The following LRRC7 variants were observed in gnomAD, a reference collection of about 807,000 sequenced individuals.
The protein encoded by LRRC7 is leucine-rich repeat-containing protein 7.
LRRC7 carries 23 observed loss-of-function variants against 175.7 expected under a neutral mutation model. The observed-to-expected ratio is 0.13, with a 90% CI of 0.09 to 0.19. The LOEUF (loss-of-function observed/expected upper bound fraction) is 0.19, where lower values mean the gene tolerates loss of function less well. Among genes scored for constraint, LRRC7 ranks in the 10% least tolerant of loss-of-function variants. The pLI is 1.00. For synonymous variants in LRRC7, 685 were observed against 680.9 expected, an observed-to-expected ratio of 1.01 and a Z score of -0.09; for missense variants, 1,354 against 1,904.7, an observed-to-expected ratio of 0.71 and a Z score of 5.38.
chr1:70,127,763 CA>C lies in LRRC7; in HGVS notation c.*5880del, dbSNP rs1006469971. On this transcript the variant is annotated 3_prime_UTR_variant, in exon 27 of 27. Coordinates refer to ENST00000651989, the MANE Select transcript of LRRC7 (RefSeq NM_001370785.2). Reference sequence around the variant, plus strand: ...GCCTAATTTTGTTATGGCAGCACCTCAAAAGGTGGAAGGTTGTGAAATTCAC... The same window carrying C: ...GCCTAATTTTGTTATGGCAGCACCTCAAAGGTGGAAGGTTGTGAAATTCAC... Among the ~76,000 whole-genome samples, 19 of 152,254 alleles carry C rather than the reference CA, an allele frequency of 1.2e-4. No individual in the cohort carries two copies. The highest frequency in any genetic ancestry group is 4.6e-4 in the African/African-American group (19 of 41,558).
At chr1:69,942,854 ATTAT>A (rs1180347575) in intron 8 of LRRC7, among the ~76,000 whole-genome samples, 1 of 152,150 alleles carries the variant, frequency 6.6e-6, no homozygotes, top group Non-Finnish European at 1.5e-5. Flanking sequence ...TTGGGGTGTC[ATTAT>A]TCAGTCTACT....
At chr1:69,789,886 C>A (rs1446021378) in intron 3 of LRRC7, among the ~76,000 whole-genome samples, 1 of 151,956 alleles carries the variant, frequency 6.6e-6, no homozygotes, top group African/African-American at 2.4e-5. Flanking sequence ...TTAATAATGG[C>A]TTACAGTTTT....
intron 11 of LRRC7, among the ~76,000 whole-genome samples, chr1:69,995,987 C>T (rs1468643469): frequency 4.7e-4 from 70 of 149,576 alleles, no homozygotes; most frequent in Middle Eastern, 6.8e-3. Context: ...ACACTGACTT[C>T]CACAATGGTT....
rs566173041 is a variant in LRRC7, at chr1:69,811,870, G to A, written c.422-13878G>A. On this transcript the variant is annotated intron_variant, in intron 4 of 26. Coordinates refer to ENST00000651989, the MANE Select transcript of LRRC7 (RefSeq NM_001370785.2). ...ACCACCATGGCACGTGTATACCTAT[G>A]TAACAAACCTGCACATTCTGTGCAT... Among the ~76,000 whole-genome samples, 133 of 130,168 alleles carry A rather than the reference G, an allele frequency of 1.0e-3. 1 individual carries two copies. Among genetic ancestry groups the A allele is most frequent in the Non-Finnish European group, 1.2e-3 (65 of 52,778 alleles). The allele number at this position is 130,168 out of a possible 152,430, so 85.4% of individuals were successfully genotyped here.
chr1:69,600,524 T>G (rs1647010829), intron 1 of LRRC7, among the ~76,000 whole-genome samples: 1 of 152,206 alleles, frequency 6.6e-6, no homozygotes, highest in Non-Finnish European at 1.5e-5. Context: ...GCAAGAGAGA[T>G]AAAGTACCAT....
At chr1:69,581,508 A>G (rs1426068508) in intron 1 of LRRC7, among the ~76,000 whole-genome samples, 2 of 152,188 alleles carry the variant, frequency 1.3e-5, no homozygotes, top group Non-Finnish European at 2.9e-5. Context: ...TATAGGTACA[A>G]TTTGTTGACT....
intron 3 of LRRC7, among the ~76,000 whole-genome samples, 158 bp from the exon 4 acceptor site, chr1:69,791,885 A>C (rs1675164745): frequency 6.6e-6 from 1 of 152,036 alleles, no homozygotes; most frequent in South Asian, 2.1e-4. Context: ...GAAGCCATTC[A>C]GAAACAATTG....
Position 70,128,004 on chromosome 1 carries a change from C to A in LRRC7, c.*6117C>A, listed in dbSNP as rs1235274803. 6.6e-6 allele frequency among the ~76,000 whole-genome samples: 1 copy of A among 152,078 alleles called. No homozygotes were observed. The highest frequency in any genetic ancestry group is 1.9e-4 in the East Asian group (1 of 5,196). On this transcript the variant is annotated 3_prime_UTR_variant, in exon 27 of 27. Coordinates refer to ENST00000651989, the MANE Select transcript of LRRC7 (RefSeq NM_001370785.2). ...TGAGACAGAGTCTTGCTGTGTCACC[C>A]AGGCTGGAGTGCAGTAGCGCTATCT...
intron 8 of LRRC7, among the ~76,000 whole-genome samples, chr1:69,956,938 A>G (rs1159506032): frequency 1.3e-5 from 2 of 151,738 alleles, no homozygotes; most frequent in African/African-American, 4.8e-5. Flanking sequence ...AGTGAAGTCA[A>G]GTAGGATAAG....
chr1:70,097,462 T>TA, intron 25 of LRRC7, among the ~76,000 whole-genome samples: 1 of 152,316 alleles, frequency 6.6e-6, no homozygotes, highest in South Asian at 2.1e-4. Flanking sequence ...TTCTTTTTTT[T>TA]ACCATTTTTT....
intron 4 of LRRC7, among the ~76,000 whole-genome samples, chr1:69,792,479 A>G (rs1675240195): frequency 1.3e-5 from 2 of 152,072 alleles, no homozygotes; most frequent in Admixed American, 1.3e-4. Context: ...TTTTCTCAAC[A>G]TGTGTCAAAT....
chr1:70,063,324 G>C (rs942735357), intron 23 of LRRC7, among the ~76,000 whole-genome samples: 1 of 152,058 alleles, frequency 6.6e-6, no homozygotes. Flanking sequence ...TAACTCAATA[G>C]CATTTATATT....
chr1:69,873,814 C>G (rs1685788648), intron 7 of LRRC7: 2 of 157,014 alleles, frequency 1.3e-5, no homozygotes, highest in South Asian at 3.6e-4. Flanking sequence ...GAAATTTTAT[C>G]AGTCTCAGAA....
intron 2 of LRRC7, among the ~76,000 whole-genome samples, chr1:69,717,878 GAGAGAA>G (rs1665722362): frequency 8.2e-6 from 1 of 121,448 alleles, no homozygotes; most frequent in Non-Finnish European, 1.7e-5. Context: ...AAGAAAGAAA[GAGAGAA>G]AAAGAGGAGG....
At chr1:70,036,975 A>G (rs2102020374) in intron 20 of LRRC7, among the ~76,000 whole-genome samples, 1 of 152,344 alleles carries the variant, frequency 6.6e-6, no homozygotes, top group Non-Finnish European at 1.5e-5. Context: ...TGCCAGTAAA[A>G]CACTTAGGTG....
At chr1:69,808,453 A>G (rs944722979) in intron 4 of LRRC7, among the ~76,000 whole-genome samples, 2 of 152,114 alleles carry the variant, frequency 1.3e-5, no homozygotes, top group Non-Finnish European at 2.9e-5. Flanking sequence ...AATCAACAGA[A>G]TATACATTCT....
intron 25 of LRRC7, among the ~76,000 whole-genome samples, chr1:70,105,696 G>GTTTGTAA (rs1238867693): frequency 6.6e-6 from 1 of 152,060 alleles, no homozygotes; most frequent in African/African-American, 2.4e-5. Context: ...GTTAAGTATA[G>GTTTGTAA]TTTGTAATTT....
At chr1:69,837,368 C>T (rs1217084525) in intron 6 of LRRC7, among the ~76,000 whole-genome samples, 1 of 151,662 alleles carries the variant, frequency 6.6e-6, no homozygotes, top group East Asian at 1.9e-4. Context: ...TGTGATATAC[C>T]AGAAATTATG....
intron 1 of LRRC7, among the ~76,000 whole-genome samples, chr1:69,643,279 C>T (rs189309870): frequency 1.3e-5 from 2 of 152,158 alleles, no homozygotes; most frequent in East Asian, 3.9e-4. Context: ...AGGAAATACC[C>T]ACACAAACAC....
Sources: allele counts gnomAD v4.1 joint callset (sites outside exome capture counted in the v4.1 genomes callset), GRCh38; gene constraint gnomAD v4.1.1; transcripts MANE v1.5; gene names NCBI Gene and HGNC (gene_info 2026-07-23, HGNC 2026-07-21).